The following BUD23 variants were observed in gnomAD, a reference collection of about 807,000 sequenced individuals.
BUD23 encodes the protein BUD23 rRNA methyltransferase and ribosome maturation factor, also known as 18S rRNA (guanine-N(7))-methyltransferase.
A neutral mutation model predicts 47.0 loss-of-function variants in BUD23; 34 were observed. That is an observed-to-expected ratio of 0.72 (90% CI 0.55 to 0.96). BUD23 has a LOEUF of 0.96. Among genes scored for constraint, BUD23 ranks in the 40% least tolerant of loss-of-function variants. BUD23 has a pLI of 0.00. For missense variants in BUD23, 343 were observed against 361.2 expected (o/e 0.95, Z 0.41); for synonymous variants, 124 against 132.0 (o/e 0.94, Z 0.41).
rs1334787119 is a variant in BUD23 at position 73,693,363 on chromosome 7, G to C, written c.545G>C (p.Gly182Ala). Reference sequence around the variant, plus strand: ...ATCACAACCCAGGCCACAAAGGCAGGCTTCTCCGGTGGCATGGTGGTAGAC... The same window carrying C: ...ATCACAACCCAGGCCACAAAGGCAGCCTTCTCCGGTGGCATGGTGGTAGAC... ...ELITTQATKA[G>A]FSGGMVVDYP... The change falls in exon 8 of 12, where the codon GGC becomes GCC. Residue 182 changes from glycine (G) to alanine (A), a missense_variant. By Grantham distance (60) the Gly-to-Ala change is moderately conservative. Coordinates refer to ENST00000265758, the MANE Select transcript of BUD23 (RefSeq NM_017528.5). 10 of 1,614,200 alleles carry C rather than the reference G, an allele frequency of 6.2e-6. No individual in the cohort carries two copies. Among genetic ancestry groups the C allele is most frequent in the East Asian group, 2.2e-5 (1 of 44,892 alleles).
chr7:73,684,744 G>A (rs1797881912), intron 2 of BUD23, among the ~76,000 whole-genome samples: 1 of 151,140 alleles, frequency 6.6e-6, no homozygotes, highest in African/African-American at 2.4e-5. Context: ...CCAACATGGC[G>A]AAACTCCAGC....
At chr7:73,697,772 A>T (rs1302898408) in intron 11 of BUD23, 60 bp from the exon 12 acceptor site, 1 of 1,609,532 alleles carries the variant, frequency 6.2e-7, no homozygotes, top group African/African-American at 1.3e-5. Context: ...CTTTATTTGA[A>T]GGGTCCAGGG....
Position 73,693,978 on chromosome 7 carries a change from T to G in BUD23, c.643-14T>G. The G allele has an allele frequency of 6.2e-7, 1 of 1,612,288 alleles. No homozygotes were observed. The highest frequency in any genetic ancestry group is 8.5e-7 in the Non-Finnish European group (1 of 1,179,566). On this transcript the variant is annotated splice_polypyrimidine_tract_variant and intron_variant, in intron 9 of 11. Coordinates refer to ENST00000265758, the MANE Select transcript of BUD23 (RefSeq NM_017528.5). ...ACTCTCCAGGGTGACCTGAGTGCAC[T>G]TTGGTTCCTGCAGGGGCTGAGTGAA...
chr7:73,686,879 G>A lies in BUD23; in HGVS notation c.244G>A (p.Asp82Asn). ...SDEGHYWVGL[D>N]ISPAMLDEAV... Reference sequence around the variant, plus strand: ...TGAAGGGCACTATTGGGTGGGCCTGGATATCAGCCCTGCCATGCTGGGTAA... The same window carrying A: ...TGAAGGGCACTATTGGGTGGGCCTGAATATCAGCCCTGCCATGCTGGGTAA... The change falls in exon 4 of 12, where the codon GAT becomes AAT. Residue 82 changes from aspartate to asparagine, a missense_variant. By Grantham distance (23) the Asp-to-Asn change is conservative. Coordinates refer to ENST00000265758, the MANE Select transcript of BUD23 (RefSeq NM_017528.5). The A allele has an allele frequency of 6.2e-7, 1 of 1,614,218 alleles. No homozygotes were observed. The highest frequency in any genetic ancestry group is 8.5e-7 in the Non-Finnish European group (1 of 1,180,040).
intron 2 of BUD23, 100 bp from the exon 3 acceptor site, chr7:73,686,536 G>A (rs186149084): frequency 9.3e-7 from 1 of 1,071,156 alleles, no homozygotes; most frequent in East Asian, 2.4e-5. Flanking sequence ...TTTTTTGTTT[G>A]TTTTTAACTT....
Position 73,689,027 on chromosome 7 carries a change from C to T in BUD23, c.363-1889C>T, listed in dbSNP as rs543326977. 6.6e-5 allele frequency among the ~76,000 whole-genome samples: 10 copies of T among 152,272 alleles called. No homozygotes were observed. In the South Asian group the frequency reaches 2.1e-3, roughly 32 times the overall value. ...AAGGGGATGGTCAGTTTTTGTTTGT[C>T]TTCGGGGAGAGGTGAGATGGTATAG... On this transcript the variant is annotated intron_variant, in intron 5 of 11. Transcript: ENST00000265758.
intron 5 of BUD23, among the ~76,000 whole-genome samples, chr7:73,687,384 C>T (rs782586845): frequency 6.6e-6 from 1 of 152,196 alleles, no homozygotes; most frequent in Non-Finnish European, 1.5e-5. Context: ...TCAAGCGATT[C>T]TCCTGCCTCA....
chr7:73,685,853 G>A (rs559830384), intron 2 of BUD23, among the ~76,000 whole-genome samples: 1 of 152,022 alleles, frequency 6.6e-6, no homozygotes, highest in Admixed American at 6.5e-5. Flanking sequence ...AGCACTTTGG[G>A]AGGCCGAGGC....
intron 3 of BUD23, 42 bp from the exon 4 acceptor site, chr7:73,686,776 G>A: frequency 6.2e-7 from 1 of 1,614,114 alleles, no homozygotes; most frequent in Non-Finnish European, 8.5e-7. Flanking sequence ...GTGGTGAAGT[G>A]TCTTTGTAAA....
chr7:73,696,259 T>G (rs1554614825), intron 10 of BUD23: 1 of 152,208 alleles, frequency 6.6e-6, no homozygotes, highest in Admixed American at 6.5e-5. Context: ...CTCATTTCCC[T>G]TAGTTTCCCT....
At chr7:73,689,879 G>T (rs1798123152) in intron 5 of BUD23, among the ~76,000 whole-genome samples, 1 of 152,136 alleles carries the variant, frequency 6.6e-6, no homozygotes, top group South Asian at 2.1e-4. Context: ...GTAGCACTGA[G>T]CATTGGTGCG....
At chr7:73,693,818 T>C in intron 9 of BUD23, 149 bp downstream of exon 9, 2 of 1,347,392 alleles carry the variant, frequency 1.5e-6, no homozygotes, top group Non-Finnish European at 2.1e-6. Flanking sequence ...TCCTCTGGAA[T>C]CTGGAGGCAG....
rs1563562797 is a variant in BUD23 at position 73,697,930 on chromosome 7, T to C, written c.*44T>C. On this transcript the variant is annotated 3_prime_UTR_variant, in exon 12 of 12. Transcript: ENST00000265758. Reference sequence around the variant, plus strand: ...AAAGGCACTTGCCTCTGCACTTTTCTATATTGTTCAGCTGACAAAGTAGTA... The same window carrying C: ...AAAGGCACTTGCCTCTGCACTTTTCCATATTGTTCAGCTGACAAAGTAGTA... The C allele has an allele frequency of 6.4e-7, 1 of 1,572,156 alleles. No homozygotes were observed.
chr7:73,690,942 A>C lies in BUD23; in HGVS notation c.389A>C (p.Asn130Thr), dbSNP rs1798169909. Residue 130 changes from asparagine to threonine, a missense_variant, in exon 6 of 12, where the codon AAT becomes ACT. By Grantham distance (65) the Asn-to-Thr change is moderately conservative (BLOSUM62 0). Transcript: ENST00000265758. ...ATTTCTGCTGTGCAGTGGCTCTGTA[A>C]TGCTAACAAGAAGTCTGAAAACCCT... ...ISISAVQWLCNANKKSENPAK... is the reference protein window; with the variant it reads ...ISISAVQWLCTANKKSENPAK... The C allele has an allele frequency of 6.2e-7, 1 of 1,614,020 alleles. No homozygotes were observed. The highest frequency in any genetic ancestry group is 8.5e-7 in the Non-Finnish European group (1 of 1,180,034).
At chr7:73,697,285 G>A in intron 10 of BUD23, 1 of 649,500 alleles carries the variant, frequency 1.5e-6, no homozygotes, top group East Asian at 2.8e-5. Flanking sequence ...CATTGCATTG[G>A]TAGAAAGCGG....
At chr7:73,687,485 C>T (rs1798021937) in intron 5 of BUD23, among the ~76,000 whole-genome samples, 1 of 152,144 alleles carries the variant, frequency 6.6e-6, no homozygotes, top group Non-Finnish European at 1.5e-5. Context: ...CTATGTTGGC[C>T]GGGATGGTTT....
intron 6 of BUD23, 110 bp downstream of exon 6, chr7:73,691,122 G>C: frequency 1.1e-6 from 1 of 912,420 alleles, no homozygotes; most frequent in Non-Finnish European, 1.8e-6. Context: ...ACTCATATGG[G>C]ACCGCATGGG....
chr7:73,686,500 A>G (rs1292927999), intron 2 of BUD23, 136 bp from the exon 3 acceptor site: 1 of 783,484 alleles, frequency 1.3e-6, no homozygotes, highest in Non-Finnish European at 2.1e-6. Context: ...GGGGTCAGAA[A>G]AGAGTACCTC....
At chr7:73,691,820 G>A (rs1765083868) in intron 6 of BUD23, among the ~76,000 whole-genome samples, 1 of 151,922 alleles carries the variant, frequency 6.6e-6, no homozygotes, top group Admixed American at 6.6e-5. Flanking sequence ...GCCCAGGCTG[G>A]TGTTAAACTC....
Sources: gnomAD v4.1 joint callset for allele counts (sites outside exome capture counted in the v4.1 genomes callset) on GRCh38, gnomAD v4.1.1 for gene constraint, MANE v1.5 for transcripts, NCBI Gene and HGNC (gene_info 2026-07-23, HGNC 2026-07-21) for gene names.